Variants in KIAA1328 observed in about 807,000 individuals in gnomAD.
KIAA1328 encodes KIAA1328.
A neutral mutation model predicts 68.1 loss-of-function variants in KIAA1328; 52 were observed. That is an observed-to-expected ratio of 0.76 (90% CI 0.61 to 0.96). The LOEUF (loss-of-function observed/expected upper bound fraction) is 0.96. Ranked by LOEUF, KIAA1328 falls within the 40% of genes least tolerant of loss-of-function variation. The pLI, the probability that KIAA1328 is intolerant of heterozygous loss-of-function variation, is 0.00. For missense variants in KIAA1328, 641 were observed against 677.6 expected (o/e 0.95, Z 0.60); for synonymous variants, 232 against 239.4 (o/e 0.97, Z 0.28).
intron 6 of KIAA1328, among the ~76,000 whole-genome samples, chr18:36,963,063 A>G (rs942278529): frequency 6.6e-6 from 1 of 152,252 alleles, no homozygotes; most frequent in African/African-American, 2.4e-5. Context: ...CAAAATTGAA[A>G]TAGCCAAAGT....
At chr18:37,171,330 A>G (rs1163191787) in intron 8 of KIAA1328, among the ~76,000 whole-genome samples, 3 of 151,318 alleles carry the variant, frequency 2.0e-5, no homozygotes, top group African/African-American at 2.4e-5. Context: ...TCCTGCCTCA[A>G]CCTCCTGAGT....
chr18:36,952,700 G>T lies in KIAA1328; in HGVS notation c.449-6608G>T, dbSNP rs1046471464. 3.9e-5 allele frequency among the ~76,000 whole-genome samples: 6 copies of T among 152,142 alleles called. No individual in the cohort carries two copies. In the East Asian group the frequency reaches 1.2e-3, roughly 29 times the overall value. On this transcript the variant is annotated intron_variant, in intron 5 of 9. Transcript: ENST00000280020. ...GTTACATTGTATTCAGAAAACATTTGTTAAATGACTGGAAGAAAGCTTGGC... is the reference window on the plus strand; with the variant it reads ...GTTACATTGTATTCAGAAAACATTTTTTAAATGACTGGAAGAAAGCTTGGC...
chr18:37,084,396 A>T (rs921490613), intron 7 of KIAA1328: 6 of 384,266 alleles, frequency 1.6e-5, no homozygotes, highest in Non-Finnish European at 2.3e-5. Flanking sequence ...AATATGAAAA[A>T]CAAAATAAAA....
At chr18:36,953,283 A>C (rs941644543) in intron 5 of KIAA1328, among the ~76,000 whole-genome samples, 5 of 147,374 alleles carry the variant, frequency 3.4e-5, no homozygotes, top group African/African-American at 1.2e-4. Context: ...TATATAAATA[A>C]ATATATTTAT....
At chr18:36,859,911 T>C (rs2047507890) in intron 4 of KIAA1328, among the ~76,000 whole-genome samples, 1 of 149,128 alleles carries the variant, frequency 6.7e-6, no homozygotes, top group African/African-American at 2.5e-5. Flanking sequence ...TGTAACTCAT[T>C]GATTTTCATT....
intron 7 of KIAA1328, among the ~76,000 whole-genome samples, chr18:37,072,471 A>G (rs964941995): frequency 2.6e-5 from 4 of 152,004 alleles, no homozygotes; most frequent in African/African-American, 9.7e-5. Flanking sequence ...ATGTCTTGAC[A>G]TGGATTTCTT....
intron 5 of KIAA1328, among the ~76,000 whole-genome samples, chr18:36,946,924 A>T (rs1568198392): frequency 6.6e-6 from 1 of 152,178 alleles, no homozygotes; most frequent in Non-Finnish European, 1.5e-5. Flanking sequence ...GGAAGATGAA[A>T]TACTGTATAT....
chr18:36,834,286 A>G, intron 1 of KIAA1328, 34 bp from the exon 2 acceptor site: 5 of 1,535,640 alleles, frequency 3.3e-6, no homozygotes, highest in Non-Finnish European at 4.4e-6. Flanking sequence ...GCCGGATAAT[A>G]TTATTGTATT....
chr18:36,984,948 C>A (rs2052854374), intron 6 of KIAA1328, among the ~76,000 whole-genome samples: 2 of 149,816 alleles, frequency 1.3e-5, no homozygotes, highest in Admixed American at 1.3e-4. Flanking sequence ...ATCCTGTGTT[C>A]ATGAGGTTAA....
chr18:37,150,079 C>T (rs1283505447), intron 7 of KIAA1328, among the ~76,000 whole-genome samples: 2 of 151,956 alleles, frequency 1.3e-5, no homozygotes, highest in Non-Finnish European at 1.5e-5. Context: ...ATTTGAATAA[C>T]CCTATATCTG....
chr18:37,218,279 TG>T (rs2060486507), intron 9 of KIAA1328, among the ~76,000 whole-genome samples: 1 of 152,228 alleles, frequency 6.6e-6, no homozygotes, highest in Admixed American at 6.5e-5. Flanking sequence ...AGCAAAACCC[TG>T]GGAACTTCAT....
chr18:36,926,059 G>A (rs931503373), intron 5 of KIAA1328, among the ~76,000 whole-genome samples: 2 of 151,576 alleles, frequency 1.3e-5, no homozygotes, highest in African/African-American at 4.9e-5. Flanking sequence ...TTGAGTGCAG[G>A]TCTTCTGAGA....
chr18:37,044,798 CAAAA>C (rs35937835), intron 6 of KIAA1328, among the ~76,000 whole-genome samples: 2 of 80,774 alleles, frequency 2.5e-5, no homozygotes, highest in Non-Finnish European at 2.5e-5. Context: ...GACTCCGGCT[CAAAA>C]AAAAAAAAAA....
At chr18:36,988,941 G>A (rs1202996424) in intron 6 of KIAA1328, among the ~76,000 whole-genome samples, 1 of 152,162 alleles carries the variant, frequency 6.6e-6, no homozygotes, top group Non-Finnish European at 1.5e-5. Context: ...AATTGAATGA[G>A]TTAATAAATG....
intron 6 of KIAA1328, among the ~76,000 whole-genome samples, chr18:37,018,922 A>G (rs975521380): frequency 2.6e-5 from 4 of 151,824 alleles, no homozygotes; most frequent in African/African-American, 9.7e-5. Flanking sequence ...TTTATCTGCC[A>G]TTTCTAAGTT....
chr18:37,215,214 C>T (rs2060404192), intron 9 of KIAA1328, among the ~76,000 whole-genome samples: 1 of 152,180 alleles, frequency 6.6e-6, no homozygotes, highest in African/African-American at 2.4e-5. Context: ...GAGAGGGCAT[C>T]CCTGTCTTGT....
intron 5 of KIAA1328, among the ~76,000 whole-genome samples, chr18:36,957,555 T>C (rs1598819841): frequency 2.0e-5 from 3 of 152,256 alleles, no homozygotes; most frequent in South Asian, 4.1e-4. Context: ...CCAGGTTAAA[T>C]TGCCATGTTC....
intron 5 of KIAA1328, among the ~76,000 whole-genome samples, chr18:36,923,575 A>G (rs2050007685): frequency 6.6e-6 from 1 of 152,184 alleles, no homozygotes; most frequent in Non-Finnish European, 1.5e-5. Context: ...GTTGATTTGT[A>G]TATCATTAAA....
chr18:37,129,672 A>G lies in KIAA1328; in HGVS notation c.1233-30528A>G, dbSNP rs528356053. On this transcript the variant is annotated intron_variant, in intron 7 of 9. Transcript: ENST00000280020. ...TTTTCTTTTCAGAGTTAGCCACCCT[A>G]ATTTCTTCAATAGTAAATATTTACA... Among the ~76,000 whole-genome samples the G allele has an allele frequency of 4.3e-4, 65 of 152,306 alleles. 1 individual carries two copies. Among genetic ancestry groups the G allele is most frequent in the African/African-American group, 1.6e-3 (65 of 41,580 alleles).
Sources: allele counts gnomAD v4.1 joint callset (sites outside exome capture counted in the v4.1 genomes callset), GRCh38; gene constraint gnomAD v4.1.1; transcripts MANE v1.5; gene names NCBI Gene and HGNC (gene_info 2026-07-23, HGNC 2026-07-21).